LHFPL3: variants seen among roughly 807,000 people sequenced by gnomAD.
LHFPL3 encodes LHFPL tetraspan subfamily member 3.
Under a neutral mutation model 19.3 loss-of-function variants are expected in LHFPL3, and 5 were observed. The observed-to-expected ratio is 0.26, with a 90% CI of 0.14 to 0.54. LHFPL3 has a LOEUF of 0.54. Ranked by LOEUF, LHFPL3 falls within the 20% of genes least tolerant of loss-of-function variation. LHFPL3 has a pLI of 0.94. For missense variants in LHFPL3, 249 were observed against 307.4 expected (o/e 0.81, Z 1.42); for synonymous variants, 133 against 126.2 (o/e 1.05, Z -0.36).
Position 104,602,042 on chromosome 7 carries a change from T to C in LHFPL3, c.446-134633T>C, listed in dbSNP as rs1790981955. Among the ~76,000 whole-genome samples the C allele has an allele frequency of 2.8e-5, 4 of 144,918 alleles. No individual in the cohort carries two copies. The South Asian group carries it at 6.8e-4, about 25-fold the overall frequency. On this transcript the variant is annotated intron_variant, in intron 1 of 2. Transcript: ENST00000424859. ...TTTCTTTTTTTTTTTTTTTTTTTTC[T>C]GACAGCCTTGCTCTGTCACCCATGC... is the stretch of plus-strand genomic sequence containing the variant.
chr7:104,783,526 C>T (rs150425157), intron 2 of LHFPL3, among the ~76,000 whole-genome samples: 16 of 152,252 alleles, frequency 1.1e-4, no homozygotes, highest in Middle Eastern at 3.4e-3. Context: ...AGACTGCAAA[C>T]GCCAAAAACA....
intron 1 of LHFPL3, among the ~76,000 whole-genome samples, chr7:104,481,096 C>T (rs565778776): frequency 6.6e-6 from 1 of 152,288 alleles, no homozygotes; most frequent in South Asian, 2.1e-4. Context: ...CTAACACAGA[C>T]ATTTCTACAC....
chr7:104,725,459 TA>T (rs1439269272), intron 1 of LHFPL3, among the ~76,000 whole-genome samples: 1 of 152,124 alleles, frequency 6.6e-6, no homozygotes, highest in Non-Finnish European at 1.5e-5. Context: ...TTTTTTTCTT[TA>T]TAAGAAATTA....
chr7:104,335,252 G>T (rs1297220930), intron 1 of LHFPL3, among the ~76,000 whole-genome samples: 1 of 152,184 alleles, frequency 6.6e-6, no homozygotes, highest in Non-Finnish European at 1.5e-5. Flanking sequence ...TCAGTGCCAA[G>T]GAGTGACCCT....
At chr7:104,685,795 A>G (rs1160070821) in intron 1 of LHFPL3, among the ~76,000 whole-genome samples, 1 of 152,182 alleles carries the variant, frequency 6.6e-6, no homozygotes, top group Non-Finnish European at 1.5e-5. Context: ...AGACCTGCCT[A>G]GTGAAGTTGT....
chr7:104,456,990 G>A (rs1349896523), intron 1 of LHFPL3, among the ~76,000 whole-genome samples: 1 of 152,162 alleles, frequency 6.6e-6, no homozygotes, highest in African/African-American at 2.4e-5. Context: ...AGGGGGGACT[G>A]TTGTACATTC....
chr7:104,613,173 A>G (rs1791242402), intron 1 of LHFPL3, among the ~76,000 whole-genome samples: 2 of 152,172 alleles, frequency 1.3e-5, no homozygotes, highest in East Asian at 3.9e-4. Context: ...TCCACTGGCA[A>G]AGTACCGTCC....
In LHFPL3 at chr7:104,833,038, T is replaced by TAATATATTATATATAATAG. The variant is rs368774807; in HGVS notation, c.683-73148_683-73147insATATATTATATATAATAGA. Among the ~76,000 whole-genome samples the TAATATATTATATATAATAG allele has an allele frequency of 1.2e-3, 25 of 21,600 alleles. 1 individual carries two copies. The highest frequency in any genetic ancestry group is 4.8e-3 in the African/African-American group (18 of 3,754). The allele number at this position is 21,600 out of a possible 152,430, so 14.2% of individuals were successfully genotyped here. A position where few individuals can be genotyped will look rare whatever the true frequency, so the allele number is the denominator to read the frequency against. On this transcript the variant is annotated intron_variant, in intron 2 of 2. Coordinates refer to ENST00000424859, the MANE Select transcript of LHFPL3 (RefSeq NM_199000.3). ...TTATATATAATAGATATATTATATA[T>TAATATATTATATATAATAG]ATATATTATATATATATTATATATA...
At position 104,329,189 on chromosome 7, in the gene LHFPL3, T is replaced by C. The variant is rs1360235881; in HGVS notation, c.410T>C (p.Val137Ala). 6.2e-7 allele frequency: 1 copy of C among 1,613,314 alleles called. No homozygotes were observed. The highest frequency in any genetic ancestry group is 1.7e-5 in the Admixed American group (1 of 60,014). ...TLFFFCNTAT[V>A]YKICAWMQLT... Reference sequence around the variant, plus strand: ...TTCTTCTTCTGCAACACGGCCACTGTGTACAAGATATGTGCCTGGATGCAG... The same window carrying C: ...TTCTTCTTCTGCAACACGGCCACTGCGTACAAGATATGTGCCTGGATGCAG... The change falls in exon 1 of 3, where the codon GTG becomes GCG. Residue 137 changes from valine to alanine, a missense_variant. Coordinates refer to ENST00000424859, the MANE Select transcript of LHFPL3 (RefSeq NM_199000.3).
At chr7:104,347,707 C>A (rs1790096617) in intron 1 of LHFPL3, among the ~76,000 whole-genome samples, 1 of 152,154 alleles carries the variant, frequency 6.6e-6, no homozygotes, top group East Asian at 1.9e-4. Flanking sequence ...GCCTGGCCAA[C>A]ATGGCGAAAC....
chr7:104,732,396 G>A (rs1031469783), intron 1 of LHFPL3, among the ~76,000 whole-genome samples: 8 of 152,024 alleles, frequency 5.3e-5, no homozygotes, highest in Non-Finnish European at 1.2e-4. Context: ...TTGCCTCAAT[G>A]ACAGAGCCTG....
chr7:104,571,986 A>G (rs146424701), intron 1 of LHFPL3, among the ~76,000 whole-genome samples: 1 of 152,334 alleles, frequency 6.6e-6, no homozygotes, highest in African/African-American at 2.4e-5. Flanking sequence ...CTTTTCTCCC[A>G]GAGTTAACCA....
At chr7:104,557,915 G>C (rs1789883717) in intron 1 of LHFPL3, among the ~76,000 whole-genome samples, 1 of 149,980 alleles carries the variant, frequency 6.7e-6, no homozygotes, top group South Asian at 2.1e-4. Context: ...ACCTATGAAT[G>C]AGAATATGCG....
At chr7:104,664,516 C>T (rs1266146614) in intron 1 of LHFPL3, among the ~76,000 whole-genome samples, 1 of 152,194 alleles carries the variant, frequency 6.6e-6, no homozygotes, top group African/African-American at 2.4e-5. Context: ...TCTCTACTAT[C>T]CCCTATGGCA....
intron 1 of LHFPL3, among the ~76,000 whole-genome samples, chr7:104,592,718 C>T (rs76136451): frequency 6.9e-4 from 105 of 152,302 alleles, no homozygotes; most frequent in African/African-American, 2.3e-3. Context: ...TCTACAGAGG[C>T]AGGCCGGCCT....
In LHFPL3 at chr7:104,434,873, A is replaced by G. The variant is rs185782146; in HGVS notation, c.445+105649A>G. On this transcript the variant is annotated intron_variant, in intron 1 of 2. Transcript: ENST00000424859. The stretch of plus-strand genomic sequence containing the variant: ...CATTTTTAAAAACCTATTGATATTA[A>G]TGGCAATATTTTTCATGTAGATATT... 2.6e-4 allele frequency among the ~76,000 whole-genome samples: 40 copies of G among 152,246 alleles called. No homozygotes were observed. The East Asian group carries it at 6.8e-3, about 26-fold the overall frequency.
intron 2 of LHFPL3, among the ~76,000 whole-genome samples, chr7:104,867,121 G>A (rs1437257971): frequency 6.6e-6 from 1 of 152,178 alleles, no homozygotes; most frequent in Non-Finnish European, 1.5e-5. Context: ...ACAAGAGAAA[G>A]CAGGAAAGAT....
intron 2 of LHFPL3, among the ~76,000 whole-genome samples, chr7:104,781,758 A>G (rs1794717286): frequency 6.6e-6 from 1 of 151,916 alleles, no homozygotes; most frequent in African/African-American, 2.4e-5. Flanking sequence ...CAGTCCCTAT[A>G]CTTTTCTACT....
rs573445626 is a variant in LHFPL3, at chr7:104,783,749, C to G, written c.682+46838C>G. Among the ~76,000 whole-genome samples the G allele has an allele frequency of 2.0e-5, 3 of 152,268 alleles. No homozygotes were observed. The South Asian group carries it at 6.2e-4, about 32-fold the overall frequency. On this transcript the variant is annotated intron_variant, in intron 2 of 2. Coordinates refer to ENST00000424859, the MANE Select transcript of LHFPL3 (RefSeq NM_199000.3). Reference sequence around the variant, plus strand: ...GACTCTAGCCCTGAAGTCAGATAAACCAAGCTCATCATCTTCCCATTTCTG... The same window carrying G: ...GACTCTAGCCCTGAAGTCAGATAAAGCAAGCTCATCATCTTCCCATTTCTG...
Sources: allele counts gnomAD v4.1 joint callset (sites outside exome capture counted in the v4.1 genomes callset), GRCh38; gene constraint gnomAD v4.1.1; transcripts MANE v1.5; gene names NCBI Gene and HGNC (gene_info 2026-07-23, HGNC 2026-07-21).